Variants in KCNB2 observed in about 807,000 individuals in gnomAD.
The protein encoded by KCNB2 is delayed rectifier potassium channel protein.
Under a neutral mutation model 61.5 loss-of-function variants are expected in KCNB2, and 15 were observed. That is an observed-to-expected ratio of 0.24 (90% CI 0.16 to 0.38). The LOEUF (loss-of-function observed/expected upper bound fraction) is 0.38. Ranked by LOEUF, KCNB2 falls within the 10% of genes least tolerant of loss-of-function variation. The pLI, the probability that KCNB2 is intolerant of heterozygous loss-of-function variation, is 1.00. For synonymous variants in KCNB2, 457 were observed against 446.0 expected (o/e 1.02, Z -0.31); for missense variants, 828 against 1,125.2 (o/e 0.74, Z 3.78).
intron 2 of KCNB2, among the ~76,000 whole-genome samples, chr8:72,869,429 TA>T (rs1379411252): frequency 6.6e-6 from 1 of 152,090 alleles, no homozygotes; most frequent in Non-Finnish European, 1.5e-5. Context: ...TAGGAGAAAA[TA>T]TTTGCAAGGC....
chr8:72,821,766 C>T (rs189454126), intron 2 of KCNB2, among the ~76,000 whole-genome samples: 2 of 151,118 alleles, frequency 1.3e-5, no homozygotes, highest in Admixed American at 6.6e-5. Flanking sequence ...TCACAGGTAA[C>T]GAATGAAAGG....
chr8:72,706,895 A>G (rs1443463130), intron 2 of KCNB2, among the ~76,000 whole-genome samples: 1 of 152,156 alleles, frequency 6.6e-6, no homozygotes, highest in Non-Finnish European at 1.5e-5. Flanking sequence ...CTGTTTGTTA[A>G]GGGTTTGTGC....
intron 2 of KCNB2, among the ~76,000 whole-genome samples, chr8:72,865,141 A>G (rs141462279): frequency 8.2e-4 from 124 of 151,998 alleles, no homozygotes; most frequent in African/African-American, 2.9e-3. Context: ...CCTTTACTTC[A>G]TCCTGCTGTT....
At chr8:72,556,744 C>G (rs1400144642) in intron 1 of KCNB2, among the ~76,000 whole-genome samples, 1 of 152,060 alleles carries the variant, frequency 6.6e-6, no homozygotes, top group East Asian at 1.9e-4. Context: ...AAAGGGACCT[C>G]CAGTTGATGC....
At chr8:72,650,766 A>T (rs992876387) in intron 2 of KCNB2, among the ~76,000 whole-genome samples, 1 of 152,168 alleles carries the variant, frequency 6.6e-6, no homozygotes, top group Non-Finnish European at 1.5e-5. Context: ...GTCAACATTT[A>T]TCATGCTTTC....
At chr8:72,712,953 C>G (rs1260943454) in intron 2 of KCNB2, among the ~76,000 whole-genome samples, 1 of 152,252 alleles carries the variant, frequency 6.6e-6, no homozygotes, top group Non-Finnish European at 1.5e-5. Flanking sequence ...AATTGGGTCA[C>G]TCCCACCCTA....
At chr8:72,650,871 G>A (rs1563549025) in intron 2 of KCNB2, among the ~76,000 whole-genome samples, 1 of 152,064 alleles carries the variant, frequency 6.6e-6, no homozygotes, top group Non-Finnish European at 1.5e-5. Flanking sequence ...CCCCCTCCCT[G>A]GTCAAAACGA....
intron 2 of KCNB2, among the ~76,000 whole-genome samples, chr8:72,805,200 G>A (rs1266880219): frequency 6.6e-6 from 1 of 152,120 alleles, no homozygotes; most frequent in Non-Finnish European, 1.5e-5. Context: ...ATTAAGATCA[G>A]TAGCCAAACA....
chr8:72,589,568 C>T (rs1807054168), intron 2 of KCNB2, among the ~76,000 whole-genome samples: 1 of 152,126 alleles, frequency 6.6e-6, no homozygotes, highest in Non-Finnish European at 1.5e-5. Context: ...ATGCTTACAG[C>T]CATCCTACGG....
In KCNB2 at chr8:72,843,950, C is replaced by G. The variant is rs967475966; in HGVS notation, c.580-91985C>G. On this transcript the variant is annotated intron_variant, in intron 2 of 2. Transcript: ENST00000523207. ...AGCCCATTTATATTTAAGGTTAATA[C>G]TGTTATGTGTGAATTTGATCTTGTC... Among the ~76,000 whole-genome samples the G allele has an allele frequency of 1.3e-5, 2 of 152,126 alleles. 1 individual carries two copies.
At chr8:72,552,090 C>A (rs941361184) in intron 1 of KCNB2, among the ~76,000 whole-genome samples, 2 of 152,068 alleles carry the variant, frequency 1.3e-5, no homozygotes, top group Non-Finnish European at 2.9e-5. Flanking sequence ...TTGACAAGGA[C>A]CAAGATGGTC....
At chr8:72,882,098 T>G (rs1014593187) in intron 2 of KCNB2, among the ~76,000 whole-genome samples, 31 of 152,164 alleles carry the variant, frequency 2.0e-4, no homozygotes, top group African/African-American at 7.2e-4. Flanking sequence ...AAAAAAAATG[T>G]ACTGAAGTGA....
chr8:72,618,437 CAT>C (rs957999411), intron 2 of KCNB2, among the ~76,000 whole-genome samples: 7 of 152,128 alleles, frequency 4.6e-5, no homozygotes, highest in African/African-American at 1.7e-4. Flanking sequence ...TTTTAATAAA[CAT>C]AAATTTTTAT....
At chr8:72,547,033 C>G (rs755217112) in intron 1 of KCNB2, among the ~76,000 whole-genome samples, 2 of 152,176 alleles carry the variant, frequency 1.3e-5, no homozygotes, top group Non-Finnish European at 2.9e-5. Context: ...TGCTTACTTT[C>G]TATTCTGAGA....
chr8:72,658,807 A>G (rs1193351845), intron 2 of KCNB2, among the ~76,000 whole-genome samples: 1 of 152,226 alleles, frequency 6.6e-6, no homozygotes, highest in Non-Finnish European at 1.5e-5. Flanking sequence ...AATAAATGGA[A>G]CAACAAAACC....
chr8:72,625,099 G>A (rs78789081), intron 2 of KCNB2, among the ~76,000 whole-genome samples: 1,683 of 152,284 alleles, frequency 0.011, 18 homozygotes, highest in African/African-American at 0.038. Context: ...AGACACTAGC[G>A]GGAGACCCAG....
At chr8:72,653,252 T>A (rs1806240261) in intron 2 of KCNB2, among the ~76,000 whole-genome samples, 1 of 152,180 alleles carries the variant, frequency 6.6e-6, no homozygotes, top group Non-Finnish European at 1.5e-5. Context: ...GGACCACTCT[T>A]CAATCCACTA....
intron 2 of KCNB2, among the ~76,000 whole-genome samples, chr8:72,632,163 A>G (rs944055880): frequency 1.3e-5 from 2 of 152,070 alleles, no homozygotes; most frequent in Non-Finnish European, 2.9e-5. Context: ...GGAGGATCAC[A>G]TGAGCCCAAG....
At chr8:72,629,021 G>A (rs1051827666) in intron 2 of KCNB2, among the ~76,000 whole-genome samples, 30 of 152,314 alleles carry the variant, frequency 2.0e-4, no homozygotes, top group African/African-American at 7.2e-4. Flanking sequence ...ACTGAGGAGT[G>A]TCAAACCAAT....
Sources: gnomAD v4.1 joint callset for allele counts (sites outside exome capture counted in the v4.1 genomes callset) on GRCh38, gnomAD v4.1.1 for gene constraint, MANE v1.5 for transcripts, NCBI Gene and HGNC (gene_info 2026-07-23, HGNC 2026-07-21) for gene names.